The following MARK3 variants were observed in gnomAD, a reference collection of about 807,000 sequenced individuals.
The protein encoded by MARK3 is microtubule affinity regulating kinase 3, also known as MAP/microtubule affinity-regulating kinase 3.
A neutral mutation model predicts 90.1 loss-of-function variants in MARK3; 46 were observed. That is an observed-to-expected ratio of 0.51 (90% CI 0.40 to 0.65). The LOEUF (loss-of-function observed/expected upper bound fraction) is 0.65. Among genes scored for constraint, MARK3 ranks in the 30% least tolerant of loss-of-function variants. The pLI, the probability that MARK3 is intolerant of heterozygous loss-of-function variation, is 0.00. For synonymous variants in MARK3, 321 were observed against 332.6 expected, an observed-to-expected ratio of 0.97 and a Z score of 0.38; for missense variants, 818 against 947.2, an observed-to-expected ratio of 0.86 and a Z score of 1.79.
At chr14:103,491,621 C>T (rs1262392830) in intron 14 of MARK3, 156 bp from the exon 15 acceptor site, 3 of 668,452 alleles carry the variant, frequency 4.5e-6, no homozygotes, top group East Asian at 5.4e-5. Context: ...GGTACCCTTT[C>T]CCACTTAACT....
In MARK3 at chr14:103,398,023, CAT is replaced by C. The variant is rs1203669034; in HGVS notation, c.52-7050_52-7049del. On this transcript the variant is annotated intron_variant, in intron 1 of 17. Transcript: ENST00000429436. ...TGTTTGGTACTTTATGTAAATATTACATATGTCTTATCTGTGCGCTTAATATA... is the reference window on the plus strand; with the variant it reads ...TGTTTGGTACTTTATGTAAATATTACATGTCTTATCTGTGCGCTTAATATA... 2.6e-5 allele frequency among the ~76,000 whole-genome samples: 4 copies of C among 152,210 alleles called. No homozygotes were observed. In the South Asian group the frequency reaches 6.2e-4, roughly 24 times the overall value.
intron 1 of MARK3, 170 bp downstream of exon 1, chr14:103,386,250 G>A: frequency 2.7e-6 from 2 of 729,598 alleles, no homozygotes; most frequent in Non-Finnish European, 2.5e-6. Context: ...GAAGTCTGCC[G>A]TGTCCCGCTG....
chr14:103,502,955 A>G lies in MARK3; in HGVS notation c.1990A>G (p.Met664Val). ...KPRSLRFTWS[M>V]KTTSSMDPGD... ...TCGATCCCTACGCTTCACCTGGAGC[A>G]TGAAAACCACTAGTTCAATGGATCC... The change falls in exon 18 of 18, where the codon ATG becomes GTG. Residue 664 changes from methionine (M) to valine (V), a missense_variant. Around this residue, in one of 3 missense-constraint regions of MARK3, gnomAD observed 560 missense variants for 613.5 expected, o/e 0.91. Coordinates refer to ENST00000429436, the MANE Select transcript of MARK3 (RefSeq NM_001128918.3). 1.2e-6 allele frequency: 2 copies of G among 1,614,298 alleles called. No individual in the cohort carries two copies. Among genetic ancestry groups the G allele is most frequent in the Non-Finnish European group, 1.7e-6 (2 of 1,180,052 alleles).
chr14:103,476,783 A>G (rs947224895), intron 13 of MARK3, among the ~76,000 whole-genome samples: 13 of 152,082 alleles, frequency 8.5e-5, no homozygotes, highest in African/African-American at 2.7e-4. Flanking sequence ...TGCATGAAGG[A>G]CCCCAAGGGG....
chr14:103,444,401 G>A (rs1288304357), intron 3 of MARK3, among the ~76,000 whole-genome samples: 11 of 152,070 alleles, frequency 7.2e-5, no homozygotes, highest in Admixed American at 5.9e-4. Context: ...CAATTTATAC[G>A]TTTCCATGTA....
At chr14:103,417,685 G>C (rs1354222467) in intron 2 of MARK3, among the ~76,000 whole-genome samples, 1 of 152,058 alleles carries the variant, frequency 6.6e-6, no homozygotes, top group Non-Finnish European at 1.5e-5. Context: ...TGGAGTGCTT[G>C]AAAAGAGCCT....
chr14:103,481,463 C>T (rs2093816647), intron 14 of MARK3, among the ~76,000 whole-genome samples: 1 of 152,126 alleles, frequency 6.6e-6, no homozygotes, highest in Non-Finnish European at 1.5e-5. Flanking sequence ...TTTGTGACAG[C>T]CTAATCAAAA....
chr14:103,437,265 A>G (rs970985411), intron 3 of MARK3, among the ~76,000 whole-genome samples: 3 of 152,092 alleles, frequency 2.0e-5, no homozygotes, highest in African/African-American at 7.2e-5. Flanking sequence ...ACGGGTTGAT[A>G]TTTAGAATAC....
intron 12 of MARK3, among the ~76,000 whole-genome samples, chr14:103,469,473 C>T (rs544112650): frequency 3.3e-5 from 5 of 151,258 alleles, no homozygotes; most frequent in South Asian, 2.1e-4. Context: ...TGAGCCACCG[C>T]GCCTGGCCTT....
At chr14:103,482,922 C>T (rs911701734) in intron 14 of MARK3, among the ~76,000 whole-genome samples, 1 of 152,102 alleles carries the variant, frequency 6.6e-6, no homozygotes, top group African/African-American at 2.4e-5. Context: ...CTGAAGGTGT[C>T]GTCTTTCTCT....
chr14:103,394,971 C>T (rs369684051), intron 1 of MARK3, among the ~76,000 whole-genome samples: 3 of 151,970 alleles, frequency 2.0e-5, no homozygotes, highest in African/African-American at 4.8e-5. Flanking sequence ...TTAGTAGAAA[C>T]GGGGTTTCAC....
At chr14:103,453,348 T>C (rs937382064) in intron 5 of MARK3, among the ~76,000 whole-genome samples, 1 of 152,186 alleles carries the variant, frequency 6.6e-6, no homozygotes, top group African/African-American at 2.4e-5. Context: ...TAGACTGCAT[T>C]TAGGAATTAT....
At chr14:103,428,622 G>C (rs2092484651) in intron 3 of MARK3, among the ~76,000 whole-genome samples, 182 bp downstream of exon 3, 2 of 152,064 alleles carry the variant, frequency 1.3e-5, no homozygotes, top group South Asian at 4.1e-4. Context: ...TTTGGTCGGA[G>C]ATTATTTTTA....
chr14:103,443,166 T>G (rs951092235), intron 3 of MARK3, among the ~76,000 whole-genome samples: 5 of 152,138 alleles, frequency 3.3e-5, no homozygotes, highest in Non-Finnish European at 7.4e-5. Flanking sequence ...CTTACCAAAA[T>G]TAACTCTAGA....
chr14:103,398,825 C>T (rs1285134669), intron 1 of MARK3, among the ~76,000 whole-genome samples: 1 of 152,184 alleles, frequency 6.6e-6, no homozygotes, highest in South Asian at 2.1e-4. Context: ...ATTGTCACAA[C>T]TTGGCTTTGT....
At chr14:103,462,795 A>G (rs1279752279) in intron 7 of MARK3, among the ~76,000 whole-genome samples, 1 of 152,154 alleles carries the variant, frequency 6.6e-6, no homozygotes, top group Non-Finnish European at 1.5e-5. Context: ...TGCTTTCATC[A>G]GTATTCTCTC....
At chr14:103,391,796 G>T (rs1022450311) in intron 1 of MARK3, among the ~76,000 whole-genome samples, 3 of 145,426 alleles carry the variant, frequency 2.1e-5, no homozygotes, top group Non-Finnish European at 4.5e-5. Flanking sequence ...GACCTCAGGT[G>T]ATCCGCCCGC....
At chr14:103,476,755 T>A (rs899348802) in intron 13 of MARK3, among the ~76,000 whole-genome samples, 4 of 152,202 alleles carry the variant, frequency 2.6e-5, no homozygotes, top group Non-Finnish European at 4.4e-5. Flanking sequence ...CCTTCATTGT[T>A]CCATTCTGGG....
chr14:103,437,652 A>G (rs866264210), intron 3 of MARK3, among the ~76,000 whole-genome samples: 2 of 152,238 alleles, frequency 1.3e-5, no homozygotes, highest in Non-Finnish European at 2.9e-5. Context: ...CAAGGAACCA[A>G]GTATTTTAAG....
Sources: gnomAD v4.1 joint callset for allele counts (sites outside exome capture counted in the v4.1 genomes callset) on GRCh38, gnomAD v4.1.1 for gene constraint, gnomAD v4.1.1 regional missense constraint, MANE v1.5 for transcripts, NCBI Gene and HGNC (gene_info 2026-07-23, HGNC 2026-07-21) for gene names.